The following USP54 variants were observed in gnomAD, a reference collection of about 807,000 sequenced individuals.
USP54 encodes ubiquitin specific peptidase 54.
Under a neutral mutation model 170.5 loss-of-function variants are expected in USP54, and 87 were observed. The observed-to-expected ratio is 0.51, with a 90% CI of 0.43 to 0.61. The LOEUF (loss-of-function observed/expected upper bound fraction) is 0.61. USP54 is among the 20% of genes least tolerant of loss of function. The probability of loss-of-function intolerance (pLI) is 0.00; values close to 1 mark genes in which losing one functional copy is unlikely to be tolerated. For synonymous variants in USP54, 655 were observed against 742.8 expected (o/e 0.88, Z 1.92); for missense variants, 1,786 against 2,047.8 (o/e 0.87, Z 2.47).
intron 12 of USP54, among the ~76,000 whole-genome samples, chr10:73,531,822 T>C (rs923227014): frequency 6.6e-6 from 1 of 152,188 alleles, no homozygotes; most frequent in African/African-American, 2.4e-5. Context: ...TTCATGCCCA[T>C]AGTATGCAAA....
Position 73,541,436 on chromosome 10 carries a change from T to C in USP54, c.764A>G (p.Asp255Gly), listed in dbSNP as rs1488559163. The change falls in exon 9 of 24, where the codon GAC becomes GGC. Residue 255 changes from aspartate to glycine, a missense_variant. Transcript: ENST00000687698. ...IITIGLVWDS[D>G]HSDLAEDVIH... Reference sequence around the variant, plus strand: ...AACATCTTCTGCTAAGTCTGAGTGGTCTGAGTCCCATACCAGCCCAATCGT... The same window carrying C: ...AACATCTTCTGCTAAGTCTGAGTGGCCTGAGTCCCATACCAGCCCAATCGT... The C allele has an allele frequency of 1.2e-6, 2 of 1,614,078 alleles. No homozygotes were observed. Among genetic ancestry groups the C allele is most frequent in the Non-Finnish European group, 1.7e-6 (2 of 1,180,042 alleles).
chr10:73,620,817 T>G lies in USP54; in HGVS notation c.-18+4750A>C, dbSNP rs1287341633. Among the ~76,000 whole-genome samples the G allele has an allele frequency of 1.3e-5, 2 of 149,912 alleles. 1 individual carries two copies. Among genetic ancestry groups the G allele is most frequent in the African/African-American group, 5.1e-5 (2 of 39,408 alleles). On this transcript the variant is annotated intron_variant, in intron 1 of 22. Transcript: ENST00000339859. ...ATCTGGGTGTGGTGGCGGGCACCTG[T>G]AATCCCAGCTACTCCGGAGGCTGAG...
intron 1 of USP54, among the ~76,000 whole-genome samples, chr10:73,579,162 G>A (rs1232798361): frequency 6.6e-6 from 1 of 151,700 alleles, no homozygotes; most frequent in African/African-American, 2.4e-5. Flanking sequence ...TGTTGGCCAG[G>A]CTGGACTTGA....
intron 1 of USP54, among the ~76,000 whole-genome samples, chr10:73,586,073 A>C (rs2077454016): frequency 6.6e-6 from 1 of 152,146 alleles, no homozygotes; most frequent in Non-Finnish European, 1.5e-5. Context: ...ACCAGCGTAA[A>C]GTTTGAGAAT....
chr10:73,564,083 C>A (rs1490690608), intron 4 of USP54, among the ~76,000 whole-genome samples: 1 of 151,978 alleles, frequency 6.6e-6, no homozygotes, highest in Non-Finnish European at 1.5e-5. Context: ...CTCACTGCAG[C>A]CTCGACCTCC....
chr10:73,523,548 C>A, intron 17 of USP54, 35 bp downstream of exon 17: 1 of 1,528,830 alleles, frequency 6.5e-7, no homozygotes, highest in Admixed American at 1.8e-5. Flanking sequence ...TCTGTCTGTC[C>A]CCATCACCCA....
At chr10:73,521,123 G>C (rs932324856) in intron 17 of USP54, 96 bp from the exon 18 acceptor site, 24 of 1,512,520 alleles carry the variant, frequency 1.6e-5, no homozygotes, top group Non-Finnish European at 2.0e-5. Context: ...CCTTGCTGCT[G>C]AGCCACTGGT....
At chr10:73,560,696 C>T (rs1244146445) in intron 4 of USP54, among the ~76,000 whole-genome samples, 1 of 141,482 alleles carries the variant, frequency 7.1e-6, no homozygotes, top group East Asian at 2.1e-4. Context: ...AAAAGTGAGA[C>T]CAAAAGTCAC....
At chr10:73,513,867 T>C (rs558495461) in intron 20 of USP54, among the ~76,000 whole-genome samples, 1 of 152,310 alleles carries the variant, frequency 6.6e-6, no homozygotes, top group East Asian at 1.9e-4. Flanking sequence ...CAGGTTAGAA[T>C]GCAGTGGCAC....
At chr10:73,554,413 G>A (rs940393176) in intron 4 of USP54, among the ~76,000 whole-genome samples, 1 of 152,114 alleles carries the variant, frequency 6.6e-6, no homozygotes, top group Admixed American at 6.6e-5. Context: ...GGCCAGTCTG[G>A]CTTCTTTGTA....
chr10:73,544,184 C>T (rs1448363155), intron 5 of USP54, among the ~76,000 whole-genome samples: 1 of 152,170 alleles, frequency 6.6e-6, no homozygotes, highest in East Asian at 1.9e-4. Flanking sequence ...CTCAAGTGAT[C>T]CGCCCACCTT....
chr10:73,533,588 C>G (rs1373836953), intron 12 of USP54, among the ~76,000 whole-genome samples: 2 of 151,260 alleles, frequency 1.3e-5, no homozygotes, highest in South Asian at 2.1e-4. Context: ...TATAAACCAC[C>G]AATCTCAAAC....
intron 16 of USP54, 60 bp downstream of exon 16, chr10:73,526,587 G>C (rs1203891076): frequency 1.2e-6 from 2 of 1,602,510 alleles, no homozygotes; most frequent in African/African-American, 2.7e-5. Flanking sequence ...AGGTAAGTCT[G>C]GTCCCCAGAC....
intron 4 of USP54, among the ~76,000 whole-genome samples, chr10:73,555,330 A>C (rs1259169720): frequency 6.6e-6 from 1 of 152,198 alleles, no homozygotes; most frequent in East Asian, 1.9e-4. Context: ...CTTTAAATTA[A>C]AGTCAATTAT....
At chr10:73,521,094 C>T in intron 17 of USP54, 67 bp from the exon 18 acceptor site, 2 of 1,595,748 alleles carry the variant, frequency 1.3e-6, no homozygotes, top group Non-Finnish European at 1.7e-6. Flanking sequence ...ACTGTTGTTT[C>T]CCTTCAGTAC....
chr10:73,503,814 C>T (rs1362703221), intron 22 of USP54, among the ~76,000 whole-genome samples: 1 of 152,132 alleles, frequency 6.6e-6, no homozygotes, highest in Non-Finnish European at 1.5e-5. Flanking sequence ...CTCACTGCAA[C>T]CTCTGCCACC....
intron 3 of USP54, among the ~76,000 whole-genome samples, chr10:73,573,496 G>C (rs1039801580): frequency 6.6e-6 from 1 of 152,114 alleles, no homozygotes; most frequent in African/African-American, 2.4e-5. Flanking sequence ...GGGCACAGTG[G>C]CTCACGCCTG....
intron 4 of USP54, among the ~76,000 whole-genome samples, chr10:73,549,437 CT>C (rs1181378346): frequency 1.3e-5 from 2 of 152,176 alleles, no homozygotes; most frequent in Admixed American, 1.3e-4. Flanking sequence ...ATTCCCCAAA[CT>C]AAATGTTTTA....
chr10:73,581,088 A>G (rs1403866366), intron 1 of USP54, among the ~76,000 whole-genome samples: 2 of 152,240 alleles, frequency 1.3e-5, no homozygotes, highest in African/African-American at 4.8e-5. Context: ...CACTTTTGCC[A>G]TACTTTTACC....
Sources: gnomAD v4.1 joint callset for allele counts (sites outside exome capture counted in the v4.1 genomes callset) on GRCh38, gnomAD v4.1.1 for gene constraint, MANE v1.5 for transcripts, NCBI Gene and HGNC (gene_info 2026-07-23, HGNC 2026-07-21) for gene names.